Variants in MIPEP observed in about 807,000 individuals in gnomAD.
The protein encoded by MIPEP is mitochondrial intermediate peptidase.
MIPEP carries 79 observed loss-of-function variants against 90.3 expected under a neutral mutation model. The ratio of observed to expected loss-of-function variants is 0.87; its 90% CI spans 0.73 to 1.05. The LOEUF is 1.05. Among genes scored for constraint, MIPEP ranks in the 50% least tolerant of loss-of-function variants. The probability of loss-of-function intolerance (pLI) is 0.00; values close to 1 mark genes in which losing one functional copy is unlikely to be tolerated. For missense variants in MIPEP, 940 were observed against 905.6 expected, an observed-to-expected ratio of 1.04 and a Z score of -0.49; for synonymous variants, 334 against 315.8, an observed-to-expected ratio of 1.06 and a Z score of -0.61.
rs114638163 is a variant in MIPEP, at chr13:23,805,994, C to A, written c.1804G>T (p.Glu602Ter). ...LRNSTTDILK[E>*]TQEKFYGLPY... is the part of the protein sequence containing the mutation. ...AGGCCATAGAATTTCTCTTGTGTTT[C>A]CTTGAGAATGTCTGTGGTTGAATTC... The change falls in exon 16 of 19, where the codon GAA (glutamate) becomes TAA (stop). Residue 602 changes from glutamate to a stop codon, truncating the protein, a stop_gained. Transcript: ENST00000382172. LOFTEE classifies it high-confidence loss of function. 6.2e-7 allele frequency: 1 copy of A among 1,613,938 alleles called. No homozygotes were observed. The highest frequency in any genetic ancestry group is 8.5e-7 in the Non-Finnish European group (1 of 1,179,902).
At chr13:23,882,676 A>T (rs1466884918) in intron 2 of MIPEP, among the ~76,000 whole-genome samples, 1 of 152,190 alleles carries the variant, frequency 6.6e-6, no homozygotes, top group Non-Finnish European at 1.5e-5. Flanking sequence ...TTTGCCAAGA[A>T]AATGTGACTA....
At chr13:23,776,235 G>T (rs1390576193) in intron 16 of MIPEP, among the ~76,000 whole-genome samples, 1 of 152,066 alleles carries the variant, frequency 6.6e-6, no homozygotes, top group Non-Finnish European at 1.5e-5. Context: ...CAGACATAAA[G>T]AACTCTTCAG....
At chr13:23,851,518 A>T (rs1869796167) in intron 10 of MIPEP, among the ~76,000 whole-genome samples, 1 of 152,140 alleles carries the variant, frequency 6.6e-6, no homozygotes, top group Admixed American at 6.5e-5. Flanking sequence ...CCACTGGGTA[A>T]ATGACTGAGG....
At chr13:23,745,794 G>C (rs964629946) in intron 18 of MIPEP, among the ~76,000 whole-genome samples, 56 of 151,810 alleles carry the variant, frequency 3.7e-4, no homozygotes, top group African/African-American at 1.1e-3. Flanking sequence ...GAAGTGTGGT[G>C]GTGGGCGCCC....
intron 16 of MIPEP, among the ~76,000 whole-genome samples, chr13:23,762,014 A>G (rs11843800): frequency 0.037 from 5,604 of 152,186 alleles, 361 homozygotes; most frequent in African/African-American, 0.13. Context: ...AATCTCAGCT[A>G]CTTGGGAAGC....
At chr13:23,849,389 T>C (rs185768409) in intron 10 of MIPEP, among the ~76,000 whole-genome samples, 1 of 152,316 alleles carries the variant, frequency 6.6e-6, no homozygotes, top group Admixed American at 6.5e-5. Flanking sequence ...CTTCTACAGT[T>C]TTACAAGAAT....
chr13:23,809,755 T>C, intron 15 of MIPEP, 95 bp downstream of exon 15: 1 of 789,806 alleles, frequency 1.3e-6, no homozygotes, highest in Non-Finnish European at 2.0e-6. Flanking sequence ...AGCATAATTA[T>C]TATAATAAAT....
intron 14 of MIPEP, among the ~76,000 whole-genome samples, chr13:23,833,376 A>T (rs1868862400): frequency 6.6e-6 from 1 of 152,202 alleles, no homozygotes; most frequent in African/African-American, 2.4e-5. Context: ...AGAATCACAA[A>T]ATTTTAGATT....
intron 9 of MIPEP, among the ~76,000 whole-genome samples, chr13:23,860,355 G>A (rs1254903935): frequency 1.3e-5 from 2 of 152,218 alleles, no homozygotes; most frequent in Non-Finnish European, 2.9e-5. Flanking sequence ...TATTTATGTG[G>A]CCGGCACGTA....
chr13:23,834,821 A>C (rs1868953398), intron 14 of MIPEP, among the ~76,000 whole-genome samples: 1 of 152,060 alleles, frequency 6.6e-6, no homozygotes. Context: ...TTCCCAAAAT[A>C]CACAGCCATA....
intron 15 of MIPEP, among the ~76,000 whole-genome samples, chr13:23,808,670 A>G (rs957696242): frequency 3.3e-5 from 5 of 152,244 alleles, no homozygotes; most frequent in African/African-American, 1.2e-4. Context: ...TCTACTAAAG[A>G]TATCAGCAAA....
intron 16 of MIPEP, among the ~76,000 whole-genome samples, chr13:23,784,657 G>A (rs1470808828): frequency 6.6e-6 from 1 of 152,172 alleles, no homozygotes; most frequent in East Asian, 1.9e-4. Flanking sequence ...TTAAGCTAAA[G>A]AGCTTCTGCA....
At chr13:23,773,767 A>C (rs1952680636) in intron 16 of MIPEP, among the ~76,000 whole-genome samples, 2 of 152,208 alleles carry the variant, frequency 1.3e-5, no homozygotes, top group East Asian at 1.9e-4. Context: ...TTGGAGAAAT[A>C]TCTCTTCAAA....
intron 16 of MIPEP, among the ~76,000 whole-genome samples, chr13:23,775,717 A>G (rs1952708103): frequency 1.3e-5 from 2 of 152,354 alleles, no homozygotes; most frequent in South Asian, 4.1e-4. Context: ...TGCCAAAACA[A>G]AAACAAAAAC....
At chr13:23,875,207 G>C (rs1871019068) in intron 4 of MIPEP, among the ~76,000 whole-genome samples, 1 of 151,622 alleles carries the variant, frequency 6.6e-6, no homozygotes, top group Non-Finnish European at 1.5e-5. Context: ...AAAGCCACAG[G>C]TTTGTACTAA....
intron 18 of MIPEP, among the ~76,000 whole-genome samples, chr13:23,750,354 G>A (rs578099833): frequency 1.1e-4 from 17 of 152,320 alleles, no homozygotes; most frequent in South Asian, 1.0e-3. Flanking sequence ...TGTAGCTGCC[G>A]TGTCTCCTTA....
chr13:23,769,866 C>T (rs1952630831), intron 16 of MIPEP, among the ~76,000 whole-genome samples: 1 of 152,090 alleles, frequency 6.6e-6, no homozygotes, highest in Non-Finnish European at 1.5e-5. Flanking sequence ...ACTTCATAAA[C>T]AGACTATCAT....
At chr13:23,746,117 T>C (rs57261519) in intron 18 of MIPEP, among the ~76,000 whole-genome samples, 118 of 147,642 alleles carry the variant, frequency 8.0e-4, no homozygotes, top group African/African-American at 2.8e-3. Flanking sequence ...CAGGTTCAAG[T>C]GATTCTCCTG....
intron 18 of MIPEP, among the ~76,000 whole-genome samples, chr13:23,747,015 C>T (rs1048268872): frequency 6.6e-6 from 1 of 152,160 alleles, no homozygotes; most frequent in African/African-American, 2.4e-5. Context: ...TTGAAGAAGA[C>T]AGTAATCAAG....
Sources: gnomAD v4.1 joint callset for allele counts (sites outside exome capture counted in the v4.1 genomes callset) on GRCh38, gnomAD v4.1.1 for gene constraint, MANE v1.5 for transcripts, NCBI Gene and HGNC (gene_info 2026-07-23, HGNC 2026-07-21) for gene names.